RRP9: variants seen among roughly 807,000 people sequenced by gnomAD.
RRP9 encodes the protein U3 small nucleolar RNA-interacting protein 2.
In RRP9, 35 loss-of-function variants were observed where a neutral mutation model predicts 65.5. The ratio of observed to expected loss-of-function variants is 0.53; its 90% CI spans 0.41 to 0.71. The LOEUF (loss-of-function observed/expected upper bound fraction) is 0.71. Among genes scored for constraint, RRP9 ranks in the 30% least tolerant of loss-of-function variants. RRP9 has a pLI of 0.00. For synonymous variants in RRP9, 254 were observed against 245.0 expected (o/e 1.04, Z -0.34); for missense variants, 533 against 633.6 (o/e 0.84, Z 1.70).
chr3:51,940,537 TAG>T (rs1040993517), intron 2 of RRP9, among the ~76,000 whole-genome samples: 5 of 152,128 alleles, frequency 3.3e-5, no homozygotes, highest in South Asian at 4.1e-4. Flanking sequence ...GGTTTTTTTT[TAG>T]AGACAGGATC....
rs746328571 is a variant in RRP9, at chr3:51,934,727, G to A, written c.1084C>T (p.Arg362Cys). 6.8e-6 allele frequency: 11 copies of A among 1,614,028 alleles called. No individual in the cohort carries two copies. The highest frequency in any genetic ancestry group is 2.2e-5 in the East Asian group (1 of 44,898). Reference sequence around the variant, plus strand: ...TCTCCCCGCAGCCCGTGAGCTTCACGCTGCAGGGCAAGTGGTCGCTTCTTG... The same window carrying A: ...TCTCCCCGCAGCCCGTGAGCTTCACACTGCAGGGCAAGTGGTCGCTTCTTG... ...LSKKRPLALQ[R>C]EAHGLRGEPG... Residue 362 changes from arginine to cysteine, a missense_variant, in exon 12 of 15, where the codon CGT (arginine) becomes TGT (cysteine). By Grantham distance (180) the Arg-to-Cys change is radical. Transcript: ENST00000232888. This position sits in a 1 kb window ranked among gnomAD's most constrained non-coding sequence, Gnocchi z 4.1.
intron 8 of RRP9, 135 bp from the exon 9 acceptor site, chr3:51,935,827 C>A: frequency 1.5e-6 from 1 of 681,304 alleles, no homozygotes; most frequent in Non-Finnish European, 2.7e-6. Flanking sequence ...GCCCACATGC[C>A]CATCTGCCCC....
At chr3:51,938,289 C>A in intron 2 of RRP9, 85 bp from the exon 3 acceptor site, 1 of 965,112 alleles carries the variant, frequency 1.0e-6, no homozygotes, top group Non-Finnish European at 1.5e-6. Context: ...CTCACCTTGC[C>A]ATCCAACCTC....
At chr3:51,938,255 C>A in intron 2 of RRP9, 51 bp from the exon 3 acceptor site, 1 of 1,388,912 alleles carries the variant, frequency 7.2e-7, no homozygotes, top group Non-Finnish European at 9.8e-7. Flanking sequence ...TTCCTCTGAC[C>A]GCTAGGATCG....
rs1161540283 is a variant in RRP9, at chr3:51,936,285, G to A, written c.707C>T (p.Thr236Ile). Residue 236 changes from threonine (T) to isoleucine (I), a missense_variant, in exon 8 of 15, where the codon ACC becomes ATC. Around this residue, in one of 3 missense-constraint regions of RRP9, gnomAD observed 449 missense variants for 550.6 expected, o/e 0.82. Transcript: ENST00000232888. ...WEAQSCQHLY[T>I]FTGHRDAVSG... ...CACTGCATCCCGGTGTCCTGTGAAG[G>A]TGTACAAGTGCTGGCAGCTCTGGGC... is the stretch of plus-strand genomic sequence containing the variant. The A allele has an allele frequency of 6.2e-7, 1 of 1,614,084 alleles. No homozygotes were observed. Among genetic ancestry groups the A allele is most frequent in the Non-Finnish European group, 8.5e-7 (1 of 1,180,048 alleles).
Position 51,935,413 on chromosome 3 carries a change from A to G in RRP9, c.900T>C (p.Ala300=). Residue 300 remains alanine (A), a synonymous_variant, in exon 10 of 15, where the codon GCT becomes GCC. Coordinates refer to ENST00000232888, the MANE Select transcript of RRP9 (RefSeq NM_004704.5). ...DALSRECCVT[A]GGRDGTVRVW... ...CACGTACAGTCCCATCCCGGCCCCC[A>G]GCCGTCACACAGCACTCCCGGCTCA... The G allele has an allele frequency of 1.2e-6, 2 of 1,614,130 alleles. No individual in the cohort carries two copies. Among genetic ancestry groups the G allele is most frequent in the East Asian group, 2.2e-5 (1 of 44,882 alleles).
chr3:51,936,528 T>G lies in RRP9; in HGVS notation c.545A>C (p.His182Pro). ...ACCCTTCTTGGCTCGAGGAATCACA[T>G]GCAGCTTCCGTCCACTCTCCACGCT... ...KWSVESGRKL[H>P]VIPRAKKGAE... The change falls in exon 7 of 15, where the codon CAT becomes CCT. Residue 182 changes from histidine (H) to proline (P), a missense_variant. Transcript: ENST00000232888. 1.2e-6 allele frequency: 2 copies of G among 1,614,082 alleles called. No homozygotes were observed. The highest frequency in any genetic ancestry group is 1.7e-6 in the Non-Finnish European group (2 of 1,179,996).
chr3:51,937,959 G>T lies in RRP9; in HGVS notation c.280+136C>A. On this transcript the variant is annotated intron_variant, in intron 3 of 14. Coordinates refer to ENST00000232888, the MANE Select transcript of RRP9 (RefSeq NM_004704.5). The surrounding 1 kb of genome is among the most constrained non-coding windows in gnomAD (Gnocchi z 5.0). ...GAGAGCTTCTGGCCACCCCCACAGG[G>T]CAGCCAGCACTGACAGCCTGGGCAC... is the stretch of plus-strand genomic sequence containing the variant. 1.1e-6 allele frequency: 1 copy of T among 941,630 alleles called. No homozygotes were observed. The highest frequency in any genetic ancestry group is 1.6e-6 in the Non-Finnish European group (1 of 626,020). 58.3% of individuals were successfully genotyped at this position (941,630 alleles called of 1,614,324 possible).
In RRP9 at chr3:51,934,778, T is replaced by C; in HGVS notation, c.1035-2A>G. On this transcript the variant is annotated splice_acceptor_variant, in intron 11 of 14. Coordinates refer to ENST00000232888, the MANE Select transcript of RRP9 (RefSeq NM_004704.5). LOFTEE classifies it high-confidence loss of function. The surrounding 1 kb of genome is among the most constrained non-coding windows in gnomAD (Gnocchi z 4.1). Reference sequence around the variant, plus strand: ...GAGAGACCCCACAAGGCCACAGAGCTATAAACAGGGAGGGAATACAGCAGT... The same window carrying C: ...GAGAGACCCCACAAGGCCACAGAGCCATAAACAGGGAGGGAATACAGCAGT... 1.2e-6 allele frequency: 2 copies of C among 1,612,154 alleles called. No homozygotes were observed. The highest frequency in any genetic ancestry group is 1.7e-6 in the Non-Finnish European group (2 of 1,179,130).
In RRP9 at chr3:51,935,720, G is replaced by A. The variant is rs773902848; in HGVS notation, c.736-28C>T. ...AAGGGTGCATGGGGAGAGGGCAAAG[G>A]GGACCTGGACTACAGCAGGCGAGAG... On this transcript the variant is annotated intron_variant, in intron 8 of 14. Transcript: ENST00000232888. 3.2e-6 allele frequency: 5 copies of A among 1,581,014 alleles called. No homozygotes were observed. In the Admixed American group the frequency reaches 6.7e-5, roughly 21 times the overall value.
intron 2 of RRP9, among the ~76,000 whole-genome samples, chr3:51,939,070 A>C (rs1038919354): frequency 1.3e-5 from 2 of 152,128 alleles, no homozygotes; most frequent in African/African-American, 4.8e-5. Context: ...GGTCATGGGC[A>C]CTCAGACACA....
rs756008641 is a variant in RRP9, at chr3:51,934,596, G to T, written c.1180+35C>A. The T allele has an allele frequency of 6.2e-7, 1 of 1,613,616 alleles. No homozygotes were observed. Among genetic ancestry groups the T allele is most frequent in the Non-Finnish European group, 8.5e-7 (1 of 1,179,658 alleles). ...GAGCAACCCCTGCACCGGCCCACCCGGCGACCCCTCCTCCCTGCCTCTCAG... is the reference window on the plus strand; with the variant it reads ...GAGCAACCCCTGCACCGGCCCACCCTGCGACCCCTCCTCCCTGCCTCTCAG... On this transcript the variant is annotated intron_variant, in intron 12 of 14. Transcript: ENST00000232888. This position sits in a 1 kb window ranked among gnomAD's most constrained non-coding sequence, Gnocchi z 4.1.
intron 2 of RRP9, 105 bp from the exon 3 acceptor site, chr3:51,938,309 C>G (rs1391947891): frequency 1.3e-6 from 1 of 792,054 alleles, no homozygotes; most frequent in Admixed American, 2.8e-5. Flanking sequence ...CCCCTATTCC[C>G]TGCTAGCCCA....
At position 51,941,889 on chromosome 3, in the gene RRP9, A is replaced by G. The variant is rs1352388529; in HGVS notation, c.-22T>C. 5.1e-6 allele frequency: 8 copies of G among 1,556,936 alleles called. No homozygotes were observed. The highest frequency in any genetic ancestry group is 6.9e-6 in the Non-Finnish European group (8 of 1,157,658). On this transcript the variant is annotated 5_prime_UTR_variant, in exon 1 of 15. Coordinates refer to ENST00000232888, the MANE Select transcript of RRP9 (RefSeq NM_004704.5). Reference sequence around the variant, plus strand: ...ACATGCTGCCCACCAGGCGTGTAGCAGCGGCCGCAGAACTCACGTGGCAGC... The same window carrying G: ...ACATGCTGCCCACCAGGCGTGTAGCGGCGGCCGCAGAACTCACGTGGCAGC...
chr3:51,936,867 G>A (rs1301060522), intron 6 of RRP9, among the ~76,000 whole-genome samples: 1 of 152,212 alleles, frequency 6.6e-6, no homozygotes, highest in African/African-American at 2.4e-5. Context: ...GCCAGCAACG[G>A]ATGGGAACCC....
Position 51,937,158 on chromosome 3 carries a change from T to C in RRP9, c.517+34A>G, listed in dbSNP as rs776487660. ...CTGACCAGCCCTCCCGGATCCGCCA[T>C]GGGGGCTCCAGCCCCACCCAGGCAC... is the stretch of plus-strand genomic sequence containing the variant. On this transcript the variant is annotated intron_variant, in intron 6 of 14. Transcript: ENST00000232888. This position sits in a 1 kb window ranked among gnomAD's most constrained non-coding sequence, Gnocchi z 5.0. The C allele has an allele frequency of 6.8e-6, 11 of 1,609,410 alleles. No homozygotes were observed. The highest frequency in any genetic ancestry group is 7.6e-6 in the Non-Finnish European group (9 of 1,177,634).
Position 51,936,268 on chromosome 3 carries a change from C to T in RRP9, c.724G>A (p.Asp242Asn). The T allele has an allele frequency of 6.2e-7, 1 of 1,613,962 alleles. No individual in the cohort carries two copies. Among genetic ancestry groups the T allele is most frequent in the Non-Finnish European group, 8.5e-7 (1 of 1,179,794 alleles). Residue 242 changes from aspartate to asparagine, a missense_variant, in exon 8 of 15, where the codon GAT (aspartate) becomes AAT (asparagine). By Grantham distance (23) the Asp-to-Asn change is conservative. Around this residue, in one of 3 missense-constraint regions of RRP9, gnomAD observed 449 missense variants for 550.6 expected, o/e 0.82. Transcript: ENST00000232888. ...QHLYTFTGHR[D>N]AVSGLAFRRG... is the part of the protein sequence containing the mutation. ...ACCCAGCTCCTCACCGACACTGCATCCCGGTGTCCTGTGAAGGTGTACAAG... is the reference window on the plus strand; with the variant it reads ...ACCCAGCTCCTCACCGACACTGCATTCCGGTGTCCTGTGAAGGTGTACAAG...
rs750402805 is a variant in RRP9, at chr3:51,936,223, C to A, written c.735+34G>T. ...AGCCTAGAACACTAGCATGTGCCCA[C>A]TAAAGATCCACTGACATAGACCCAG... On this transcript the variant is annotated intron_variant, in intron 8 of 14. Transcript: ENST00000232888. 4 of 1,592,920 alleles carry A rather than the reference C, an allele frequency of 2.5e-6. No homozygotes were observed. In the South Asian group the frequency reaches 4.4e-5, roughly 18 times the overall value.
intron 14 of RRP9, 47 bp from the exon 15 acceptor site, chr3:51,933,646 C>A: frequency 6.2e-7 from 1 of 1,610,900 alleles, no homozygotes; most frequent in Non-Finnish European, 8.5e-7. Context: ...AGTCTCCACC[C>A]CATTTCCACC....
Sources: allele counts gnomAD v4.1 joint callset (sites outside exome capture counted in the v4.1 genomes callset), GRCh38; gene constraint gnomAD v4.1.1; regional missense constraint gnomAD v4.1.1; non-coding constraint Gnocchi (gnomAD v3.1); transcripts MANE v1.5; gene names NCBI Gene and HGNC (gene_info 2026-07-23, HGNC 2026-07-21).